The following ST6GAL1 variants were observed in gnomAD, a reference collection of about 807,000 sequenced individuals.
The protein encoded by ST6GAL1 is beta-galactoside alpha-2,6-sialyltransferase 1.
In ST6GAL1, 20 loss-of-function variants were observed where a neutral mutation model predicts 38.0. That is an observed-to-expected ratio of 0.53 (90% CI 0.37 to 0.77). ST6GAL1 has a LOEUF of 0.77. Ranked by LOEUF, ST6GAL1 falls within the 30% of genes least tolerant of loss-of-function variation. The probability of loss-of-function intolerance (pLI) is 0.00; values close to 1 mark genes in which losing one functional copy is unlikely to be tolerated. For missense variants in ST6GAL1, 432 were observed against 496.4 expected (o/e 0.87, Z 1.23); for synonymous variants, 196 against 188.2 (o/e 1.04, Z -0.34).
At chr3:187,034,074 T>C (rs1425880468) in intron 2 of ST6GAL1, among the ~76,000 whole-genome samples, 1 of 151,874 alleles carries the variant, frequency 6.6e-6, no homozygotes, top group African/African-American at 2.4e-5. Flanking sequence ...ATGACAAATA[T>C]GACATTACAA....
intron 2 of ST6GAL1, among the ~76,000 whole-genome samples, chr3:187,033,556 T>C (rs1438171742): frequency 6.6e-6 from 1 of 152,260 alleles, no homozygotes; most frequent in Non-Finnish European, 1.5e-5. Flanking sequence ...CATCTGAGTA[T>C]ACAGGTAACA....
chr3:187,059,433 T>G (rs113949689), intron 5 of ST6GAL1, among the ~76,000 whole-genome samples: 2 of 152,298 alleles, frequency 1.3e-5, no homozygotes, highest in African/African-American at 2.4e-5. Context: ...TAAAACCTCA[T>G]CTCCACTTCT....
rs574516288 is a variant in ST6GAL1, at chr3:187,026,456, C to T, written c.-182-12286C>T. 7.6e-4 allele frequency among the ~76,000 whole-genome samples: 115 copies of T among 152,262 alleles called. 3 individuals are homozygous for T. In the South Asian group the frequency reaches 0.022, roughly 29 times the overall value. On this transcript the variant is annotated intron_variant, in intron 2 of 7. Transcript: ENST00000169298. ...AATTACTTAGCACATAGTAAAAGCTCATTAATTATTAGCTAAAATAAAGTG... is the reference window on the plus strand; with the variant it reads ...AATTACTTAGCACATAGTAAAAGCTTATTAATTATTAGCTAAAATAAAGTG...
intron 2 of ST6GAL1, among the ~76,000 whole-genome samples, chr3:186,993,578 T>A (rs1430426130): frequency 1.4e-5 from 2 of 147,454 alleles, no homozygotes; most frequent in Non-Finnish European, 3.0e-5. Context: ...ATTTATTTAT[T>A]TATTTATTTA....
chr3:187,007,822 T>C (rs1716831414), intron 2 of ST6GAL1, among the ~76,000 whole-genome samples: 1 of 152,140 alleles, frequency 6.6e-6, no homozygotes, highest in Non-Finnish European at 1.5e-5. Flanking sequence ...AAGATAGAAG[T>C]TCTCAGCAGA....
At chr3:186,992,520 G>A (rs1989586) in intron 2 of ST6GAL1, among the ~76,000 whole-genome samples, 33,945 of 152,082 alleles carry the variant, frequency 0.22, 3,925 homozygotes, top group East Asian at 0.37. Context: ...ATGGCCGGGC[G>A]CGGTGGCTCC....
At position 187,070,908 on chromosome 3, in the gene ST6GAL1, C is replaced by T. The variant is rs1560185425; in HGVS notation, c.706-1941C>T. Among the ~76,000 whole-genome samples the T allele has an allele frequency of 3.3e-5, 5 of 152,126 alleles. No homozygotes were observed. The South Asian group carries it at 6.2e-4, about 19-fold the overall frequency. ...TGCACAATCTCCAGCCAAGGTAGAC[C>T]GACCACCAATATTTCTTGTCTCAAA... On this transcript the variant is annotated intron_variant, in intron 5 of 7. Transcript: ENST00000169298.
chr3:186,965,313 G>A (rs531706808), intron 2 of ST6GAL1, among the ~76,000 whole-genome samples: 1 of 152,220 alleles, frequency 6.6e-6, no homozygotes, highest in African/African-American at 2.4e-5. Context: ...TAATGCGGGT[G>A]TGGGGGACTT....
chr3:186,956,989 T>C (rs2108523880), intron 1 of ST6GAL1, among the ~76,000 whole-genome samples: 1 of 152,314 alleles, frequency 6.6e-6, no homozygotes, highest in South Asian at 2.1e-4. Context: ...TAAGAGAATA[T>C]GTTGCATTAA....
chr3:186,936,057 G>T (rs992598999), intron 1 of ST6GAL1, among the ~76,000 whole-genome samples: 1 of 152,162 alleles, frequency 6.6e-6, no homozygotes, highest in African/African-American at 2.4e-5. Flanking sequence ...TTCTTTGTCC[G>T]AGGGAAGTCC....
chr3:187,007,993 A>T (rs1444019194), intron 2 of ST6GAL1, among the ~76,000 whole-genome samples: 1 of 148,424 alleles, frequency 6.7e-6, no homozygotes, highest in African/African-American at 2.5e-5. Flanking sequence ...ACAAAAAAAA[A>T]TTGGAGAAAA....
At chr3:186,987,180 CAGGGAGGGAGGG>C (rs56004472) in intron 2 of ST6GAL1, among the ~76,000 whole-genome samples, 1 of 92,598 alleles carries the variant, frequency 1.1e-5, no homozygotes, top group East Asian at 3.1e-4. Context: ...GAAAGAGAGA[CAGGGAGGGAGGG>C]AGGGAGGGAA....
intron 5 of ST6GAL1, among the ~76,000 whole-genome samples, chr3:187,063,257 C>T (rs997772446): frequency 5.9e-5 from 9 of 152,058 alleles, no homozygotes; most frequent in Admixed American, 4.6e-4. Context: ...CCCCAGCAGG[C>T]GGGAGTCAGA....
chr3:186,983,348 A>T (rs1308963908), intron 2 of ST6GAL1, among the ~76,000 whole-genome samples: 1 of 152,242 alleles, frequency 6.6e-6, no homozygotes, highest in Non-Finnish European at 1.5e-5. Context: ...TTGAGATTTA[A>T]GTAAAACTTA....
At chr3:186,943,475 G>T (rs1445751913) in intron 1 of ST6GAL1, among the ~76,000 whole-genome samples, 1 of 151,808 alleles carries the variant, frequency 6.6e-6, no homozygotes, top group African/African-American at 2.4e-5. Context: ...ATTTTTAGAC[G>T]GAGTCTCGCT....
At chr3:186,999,661 G>C (rs1716548518) in intron 2 of ST6GAL1, among the ~76,000 whole-genome samples, 1 of 151,968 alleles carries the variant, frequency 6.6e-6, no homozygotes, top group South Asian at 2.1e-4. Context: ...CTCCCGTCTT[G>C]GCCTCCTAAA....
At chr3:187,058,143 A>C (rs542015704) in intron 5 of ST6GAL1, among the ~76,000 whole-genome samples, 1 of 152,292 alleles carries the variant, frequency 6.6e-6, no homozygotes, top group South Asian at 2.1e-4. Context: ...TTTTTAAGAC[A>C]GTTGGAAAAG....
Position 187,076,064 on chromosome 3 carries a change from C to G in ST6GAL1, c.*261C>G. On this transcript the variant is annotated 3_prime_UTR_variant, in exon 8 of 8. Coordinates refer to ENST00000169298, the MANE Select transcript of ST6GAL1 (RefSeq NM_173216.2). ...TAGCATTCTTTCCAGACAGCATCCT[C>G]CCCGCCTTCCACCTTGGTAGATGCA... 2.2e-6 allele frequency: 1 copy of G among 458,476 alleles called. No homozygotes were observed. Among genetic ancestry groups the G allele is most frequent in the South Asian group, 3.0e-5 (1 of 33,178 alleles). 28.4% of individuals were successfully genotyped at this position (458,476 alleles called of 1,614,324 possible).
intron 2 of ST6GAL1, among the ~76,000 whole-genome samples, chr3:186,993,728 G>GT (rs562123682): frequency 2.0e-5 from 3 of 152,136 alleles, no homozygotes; most frequent in African/African-American, 7.2e-5. Context: ...TTGAATTTTG[G>GT]TTTTGTCACT....
Sources: gnomAD v4.1 joint callset for allele counts (sites outside exome capture counted in the v4.1 genomes callset) on GRCh38, gnomAD v4.1.1 for gene constraint, MANE v1.5 for transcripts, NCBI Gene and HGNC (gene_info 2026-07-23, HGNC 2026-07-21) for gene names.